Variants in SMIM36 observed in about 807,000 individuals in gnomAD.
The protein encoded by SMIM36 is small integral membrane protein 36.
At chr17:55,458,019 A>G (rs7207228) in intron 4 of SMIM36, among the ~76,000 whole-genome samples, 33,723 of 152,024 alleles carry the variant, frequency 0.22, 4,250 homozygotes, top group Non-Finnish European at 0.28. Flanking sequence ...CTCCGCTTTT[A>G]GAGTGTGTCT....
upstream of SMIM36, among the ~76,000 whole-genome samples, chr17:55,515,084 G>GTTTTTTTTTTTTTTTTTTTTTTTTTTTTT (rs1567874075): frequency 7.1e-5 from 4 of 56,104 alleles, 2 homozygotes; most frequent in African/African-American, 6.6e-5. Context: ...TTCTAGTCTA[G>GTTTTTTTTTTTTTTTTTTTTTTTTTTTTT]TGTTTTTTTT....
At chr17:55,521,270 A>C in the SMIM36 span, among the ~76,000 whole-genome samples, 1 of 152,246 alleles carries the variant, frequency 6.6e-6, no homozygotes, top group Non-Finnish European at 1.5e-5. Flanking sequence ...AACTTCAGCA[A>C]TTAGAGAGAA....
the SMIM36 span, among the ~76,000 whole-genome samples, chr17:55,522,374 C>T: frequency 7.9e-5 from 12 of 152,168 alleles, no homozygotes; most frequent in African/African-American, 2.4e-4. Flanking sequence ...TCTCACATCG[C>T]TAATAAAAAC....
chr17:55,508,384 A>C (rs544296737), intron 1 of SMIM36, among the ~76,000 whole-genome samples: 16 of 147,664 alleles, frequency 1.1e-4, no homozygotes, highest in East Asian at 2.0e-4. Context: ...TATTCTCTCT[A>C]TATATTCCCG....
the SMIM36 span, among the ~76,000 whole-genome samples, chr17:55,519,500 A>G: frequency 6.6e-6 from 1 of 152,136 alleles, no homozygotes; most frequent in Non-Finnish European, 1.5e-5. Context: ...CAAGAGGGGT[A>G]TGACCGGAAT....
chr17:55,497,876 A>T (rs537845991), intron 1 of SMIM36, among the ~76,000 whole-genome samples: 35 of 152,328 alleles, frequency 2.3e-4, no homozygotes, highest in Admixed American at 9.2e-4. Flanking sequence ...GAGCTTTGAC[A>T]TGTTAAACAA....
chr17:55,469,803 C>G (rs908605645), intron 3 of SMIM36, among the ~76,000 whole-genome samples: 2 of 152,050 alleles, frequency 1.3e-5, no homozygotes, highest in African/African-American at 4.8e-5. Flanking sequence ...GATGGTGAAA[C>G]CCCATCTCCA....
At chr17:55,501,473 T>A (rs1294293499) in intron 1 of SMIM36, among the ~76,000 whole-genome samples, 541 of 91,850 alleles carry the variant, frequency 5.9e-3, no homozygotes, top group African/African-American at 9.9e-3. Flanking sequence ...TATTATATTT[T>A]ATAATTATTA....
intron 1 of SMIM36, among the ~76,000 whole-genome samples, chr17:55,483,255 ATATG>A (rs1208463933): frequency 6.6e-6 from 1 of 152,198 alleles, no homozygotes. Flanking sequence ...TCTCTCCCAC[ATATG>A]AACACTCACA....
At chr17:55,471,560 C>CA (rs1909341848) in intron 3 of SMIM36, among the ~76,000 whole-genome samples, 1 of 152,162 alleles carries the variant, frequency 6.6e-6, no homozygotes, top group Non-Finnish European at 1.5e-5. Context: ...TGGATATTTC[C>CA]TAGTCTAGAT....
intron 1 of SMIM36, among the ~76,000 whole-genome samples, chr17:55,498,137 C>A (rs1909839798): frequency 6.6e-6 from 1 of 152,154 alleles, no homozygotes; most frequent in South Asian, 2.1e-4. Flanking sequence ...TCTTCATATG[C>A]ATGTATATCT....
chr17:55,502,311 C>G (rs1910006922), intron 1 of SMIM36, among the ~76,000 whole-genome samples: 1 of 136,058 alleles, frequency 7.3e-6, no homozygotes, highest in South Asian at 2.5e-4. Context: ...CCTCTGCAGA[C>G]TTAAATGTCC....
the SMIM36 span, among the ~76,000 whole-genome samples, chr17:55,530,581 G>A: frequency 6.6e-6 from 1 of 152,170 alleles, no homozygotes; most frequent in Non-Finnish European, 1.5e-5. Flanking sequence ...TCAGGAGTTT[G>A]AGAACAGCCT....
rs551073166 is a variant in SMIM36, at chr17:55,469,389, G to A, written c.*348-2061C>T. On this transcript the variant is annotated intron_variant, in intron 3 of 4. Coordinates refer to ENST00000636752, the Ensembl canonical transcript of SMIM36. ...GGCTCTTTTTCATCAAATATAAAAA[G>A]CCAGCCCAGTTCATGACCCATTTGG... is the stretch of plus-strand genomic sequence containing the variant. Among the ~76,000 whole-genome samples, 9 of 152,152 alleles carry A rather than the reference G, an allele frequency of 5.9e-5. No individual in the cohort carries two copies. The East Asian group carries it at 1.7e-3, about 29-fold the overall frequency.
At chr17:55,516,296 C>T (rs890869101), upstream of SMIM36, among the ~76,000 whole-genome samples, 4 of 152,176 alleles carry the variant, frequency 2.6e-5, no homozygotes, top group South Asian at 2.1e-4. Context: ...CCTTCATCAT[C>T]CAAGATTTCT....
intron 1 of SMIM36, among the ~76,000 whole-genome samples, chr17:55,499,109 A>G (rs1466414881): frequency 6.6e-6 from 1 of 152,070 alleles, no homozygotes; most frequent in African/African-American, 2.4e-5. Flanking sequence ...TATAAAGTTC[A>G]GGCTTAGTCC....
intron 1 of SMIM36, among the ~76,000 whole-genome samples, chr17:55,481,909 C>A (rs139512520): frequency 1.2e-3 from 177 of 152,268 alleles, no homozygotes; most frequent in African/African-American, 4.2e-3. Context: ...GTTGCCCAGG[C>A]TTGTTTCAAA....
At chr17:55,498,945 G>A (rs1909859747) in intron 1 of SMIM36, among the ~76,000 whole-genome samples, 1 of 135,170 alleles carries the variant, frequency 7.4e-6, no homozygotes. Context: ...GTTGCAGTGA[G>A]CCGAGATCTG....
intron 1 of SMIM36, among the ~76,000 whole-genome samples, chr17:55,509,288 T>A (rs527453935): frequency 6.6e-6 from 1 of 152,204 alleles, no homozygotes; most frequent in African/African-American, 2.4e-5. Context: ...TCACAACCAA[T>A]GGACTCTAAT....
Sources: gnomAD v4.1 joint callset for allele counts (sites outside exome capture counted in the v4.1 genomes callset) on GRCh38, gnomAD v4.1.1 for gene constraint, MANE v1.5 for transcripts, NCBI Gene and HGNC (gene_info 2026-07-23, HGNC 2026-07-21) for gene names.